The following ZFP64 variants were observed in gnomAD, a reference collection of about 807,000 sequenced individuals.
ZFP64 encodes the protein ZFP64 zinc finger protein.
A neutral mutation model predicts 51.6 loss-of-function variants in ZFP64; 14 were observed. The observed-to-expected ratio is 0.27, with a 90% confidence interval of 0.18 to 0.42. The LOEUF is 0.42. Among genes scored for constraint, ZFP64 ranks in the 10% least tolerant of loss-of-function variants. The pLI is 1.00. For synonymous variants in ZFP64, 375 were observed against 361.4 expected (o/e 1.04, Z -0.43); for missense variants, 754 against 906.8 (o/e 0.83, Z 2.16).
intron 5 of ZFP64, among the ~76,000 whole-genome samples, chr20:52,134,633 G>C (rs1200588339): frequency 6.6e-6 from 1 of 152,024 alleles, no homozygotes; most frequent in Non-Finnish European, 1.5e-5. Flanking sequence ...GAAACACAGT[G>C]ACTTGGAACG....
intron 5 of ZFP64, chr20:52,098,658 G>A: frequency 1.9e-6 from 3 of 1,590,628 alleles, no homozygotes; most frequent in Non-Finnish European, 2.6e-6. Flanking sequence ...AATACAGTAG[G>A]TTTGGGCTTA....
chr20:52,101,302 T>C (rs1322080218), intron 5 of ZFP64, among the ~76,000 whole-genome samples: 1 of 152,190 alleles, frequency 6.6e-6, no homozygotes, highest in African/African-American at 2.4e-5. Flanking sequence ...CCTTACCCTA[T>C]ACTCACTGAA....
At chr20:52,089,490 C>T (rs2078898968) in intron 7 of ZFP64, among the ~76,000 whole-genome samples, 1 of 152,090 alleles carries the variant, frequency 6.6e-6, no homozygotes. Context: ...CCTGTAATTC[C>T]AGTGCTTTGG....
intron 5 of ZFP64, among the ~76,000 whole-genome samples, chr20:52,115,197 C>CAAAAAAAA (rs11484315): frequency 1.1e-5 from 1 of 90,052 alleles, no homozygotes; most frequent in Non-Finnish European, 2.0e-5. Context: ...GAGTGAGTCT[C>CAAAAAAAA]AAAAAAAAAA....
chr20:52,098,698 A>C, intron 5 of ZFP64: 2 of 1,448,528 alleles, frequency 1.4e-6, no homozygotes, highest in African/African-American at 2.9e-5. Flanking sequence ...TCCAGAAAAA[A>C]TTTAAAAAAA....
chr20:52,119,576 A>AACACACACACACACACATACATAC (rs1555802580), intron 5 of ZFP64, among the ~76,000 whole-genome samples: 1,692 of 132,522 alleles, frequency 0.013, 30 homozygotes, highest in African/African-American at 0.041. Context: ...ATACACACAC[A>AACACACACACACACACATACATAC]ACACACACAC....
intron 5 of ZFP64, among the ~76,000 whole-genome samples, chr20:52,141,179 T>C (rs773792588): frequency 3.3e-5 from 5 of 152,214 alleles, no homozygotes; most frequent in Admixed American, 6.5e-5. Flanking sequence ...AGGAGACGAA[T>C]GTTGTTTTCA....
chr20:52,190,942 C>T (rs1984323527), intron 1 of ZFP64, among the ~76,000 whole-genome samples: 1 of 152,092 alleles, frequency 6.6e-6, no homozygotes, highest in East Asian at 1.9e-4. Flanking sequence ...CGCTCTCGCT[C>T]CCAGGTGGCT....
chr20:52,098,654 G>A (rs917251009), intron 5 of ZFP64: 4 of 1,599,096 alleles, frequency 2.5e-6, no homozygotes, highest in African/African-American at 2.7e-5. Context: ...TTAGAATACA[G>A]TAGGTTTGGG....
intron 5 of ZFP64, among the ~76,000 whole-genome samples, chr20:52,131,540 A>G (rs1979723490): frequency 6.6e-6 from 1 of 152,254 alleles, no homozygotes; most frequent in South Asian, 2.1e-4. Flanking sequence ...ATTCTATGCC[A>G]ATGGAAACCA....
intron 5 of ZFP64, among the ~76,000 whole-genome samples, chr20:52,108,716 G>A (rs996032815): frequency 2.0e-5 from 3 of 151,828 alleles, no homozygotes. Context: ...CACCATGTCG[G>A]CCAGGCTGGT....
At chr20:52,133,054 T>C (rs554114374) in intron 5 of ZFP64, among the ~76,000 whole-genome samples, 1 of 152,246 alleles carries the variant, frequency 6.6e-6, no homozygotes, top group South Asian at 2.1e-4. Context: ...ACTCAATATA[T>C]ACAAATCACT....
chr20:52,110,464 C>T, intron 5 of ZFP64: 1 of 657,252 alleles, frequency 1.5e-6, no homozygotes, highest in East Asian at 2.5e-5. Flanking sequence ...AGATCCATGT[C>T]ATCTCTATGC....
In ZFP64 at chr20:52,152,836, C is replaced by T; in HGVS notation, c.1356G>A (p.Glu452=). The T allele has an allele frequency of 6.2e-7, 1 of 1,614,192 alleles. No homozygotes were observed. Among genetic ancestry groups the T allele is most frequent in the South Asian group, 1.1e-5 (1 of 91,086 alleles). Residue 452 remains glutamate, a synonymous_variant, in exon 6 of 6, where the codon GAG becomes GAA. Transcript: ENST00000216923. ...GAACGGTCACGTCCGAGTTCTTACT[C>T]TCACTGTACTCACTGTGCTGTCTCT... ...SHKRQHSEYS[E]SKNSDVTVLQ...
downstream of ZFP64, among the ~76,000 whole-genome samples, chr20:52,147,702 G>C (rs1247701829): frequency 6.6e-6 from 1 of 152,046 alleles, no homozygotes; most frequent in Non-Finnish European, 1.5e-5. Context: ...TCACAATTAT[G>C]ATAAAATTAT....
At chr20:52,158,754 A>T (rs375281229) in intron 5 of ZFP64, among the ~76,000 whole-genome samples, 1 of 152,184 alleles carries the variant, frequency 6.6e-6, no homozygotes, top group African/African-American at 2.4e-5. Context: ...CCTTCCCTGC[A>T]TCCCCGACCT....
rs558660958 is a variant in ZFP64, at chr20:52,191,736, C to T, written c.-100G>A. Reference sequence around the variant, plus strand: ...TTTCCTTTTATTTTTCCACACCCCCCACCCTGCCTTCTCCCAACTCTGCGA... The same window carrying T: ...TTTCCTTTTATTTTTCCACACCCCCTACCCTGCCTTCTCCCAACTCTGCGA... On this transcript the variant is annotated 5_prime_UTR_variant, in exon 1 of 6. Transcript: ENST00000216923. This position sits in a 1 kb window ranked among gnomAD's most constrained non-coding sequence, Gnocchi z 4.3. The T allele has an allele frequency of 3.6e-6, 5 of 1,370,390 alleles. No individual in the cohort carries two copies. Among genetic ancestry groups the T allele is most frequent in the Non-Finnish European group, 3.9e-6 (4 of 1,038,166 alleles). The allele number at this position is 1,370,390 out of a possible 1,614,324, so 84.9% of individuals were successfully genotyped here.
At chr20:52,120,177 A>C (rs73914220) in intron 5 of ZFP64, among the ~76,000 whole-genome samples, 6,855 of 152,256 alleles carry the variant, frequency 0.045, 549 homozygotes, top group African/African-American at 0.16. Context: ...CAGACACCGA[A>C]TCTGCCAGTG....
At chr20:52,181,493 T>C (rs79274030) in intron 2 of ZFP64, among the ~76,000 whole-genome samples, 11,969 of 152,220 alleles carry the variant, frequency 0.079, 539 homozygotes, top group Non-Finnish European at 0.1. Context: ...TCAAAGCTAG[T>C]AGGCAGATAA....
Sources: gnomAD v4.1 joint callset for allele counts (sites outside exome capture counted in the v4.1 genomes callset) on GRCh38, gnomAD v4.1.1 for gene constraint, Gnocchi (gnomAD v3.1) non-coding constraint, MANE v1.5 for transcripts, NCBI Gene and HGNC (gene_info 2026-07-23, HGNC 2026-07-21) for gene names.